The following NRG2 variants were observed in gnomAD, a reference collection of about 807,000 sequenced individuals.
NRG2 encodes pro-neuregulin-2, membrane-bound isoform.
Under a neutral mutation model 73.9 loss-of-function variants are expected in NRG2, and 27 were observed. The observed-to-expected ratio is 0.37, with a 90% confidence interval of 0.27 to 0.50. The LOEUF is 0.50. NRG2 is among the 20% of genes least tolerant of loss of function. The pLI, the probability that NRG2 is intolerant of heterozygous loss-of-function variation, is 0.96. For synonymous variants in NRG2, 532 were observed against 541.0 expected (o/e 0.98, Z 0.23); for missense variants, 1,126 against 1,210.1 (o/e 0.93, Z 1.03).
intron 1 of NRG2, 54 bp downstream of exon 1, chr5:140,042,316 C>A: frequency 8.7e-6 from 9 of 1,033,206 alleles, no homozygotes; most frequent in African/African-American, 1.7e-5. Context: ...CACCCCCATT[C>A]TCCACCACCT....
chr5:140,012,353 T>C (rs1759429893), intron 1 of NRG2, among the ~76,000 whole-genome samples: 1 of 152,208 alleles, frequency 6.6e-6, no homozygotes, highest in Admixed American at 6.5e-5. Context: ...GGCTGGATTG[T>C]AAGCTCTTTG....
chr5:139,974,805 A>G (rs893272381), intron 1 of NRG2, among the ~76,000 whole-genome samples: 2 of 152,188 alleles, frequency 1.3e-5, no homozygotes, highest in African/African-American at 2.4e-5. Flanking sequence ...AACGTGGCAC[A>G]TGCCTATGGG....
intron 1 of NRG2, among the ~76,000 whole-genome samples, chr5:139,957,090 A>G (rs1754679674): frequency 6.6e-6 from 1 of 152,144 alleles, no homozygotes; most frequent in South Asian, 2.1e-4. Flanking sequence ...TTCAGAGTCC[A>G]TCCTCAACTC....
chr5:139,865,245 G>A lies in NRG2; in HGVS notation c.1189+304C>T, dbSNP rs1388637459. The A allele has an allele frequency of 1.8e-5, 23 of 1,288,790 alleles. No individual in the cohort carries two copies. The highest frequency in any genetic ancestry group is 3.5e-5 in the Admixed American group (2 of 57,210). The allele number at this position is 1,288,790 out of a possible 1,614,324, so 79.8% of individuals were successfully genotyped here. On this transcript the variant is annotated intron_variant, in intron 5 of 9. Transcript: ENST00000361474. The surrounding 1 kb of genome is among the most constrained non-coding windows in gnomAD (Gnocchi z 5.2). ...CACAGGCATTGCAACACCCCGGCAC[G>A]GGCTCCTGCCAATGCCAGCTGGGTT...
At chr5:139,918,335 G>T (rs1239805327) in intron 1 of NRG2, among the ~76,000 whole-genome samples, 3 of 152,116 alleles carry the variant, frequency 2.0e-5, no homozygotes, top group Non-Finnish European at 4.4e-5. Flanking sequence ...AAAGGAAATG[G>T]TAACATAAGG....
intron 1 of NRG2, among the ~76,000 whole-genome samples, chr5:139,889,566 T>G (rs1246422371): frequency 6.6e-6 from 1 of 152,206 alleles, no homozygotes; most frequent in Non-Finnish European, 1.5e-5. Context: ...GCATCATTTT[T>G]CATGGTTGCA....
At chr5:139,938,883 GGAAA>G (rs1376260476) in intron 1 of NRG2, among the ~76,000 whole-genome samples, 5 of 48,224 alleles carry the variant, frequency 1.0e-4, no homozygotes, top group East Asian at 7.0e-4. Flanking sequence ...AGAGAGAGAA[GGAAA>G]GAAAGAAAGA....
At chr5:139,932,527 T>C (rs967481271) in intron 1 of NRG2, among the ~76,000 whole-genome samples, 2 of 151,882 alleles carry the variant, frequency 1.3e-5, no homozygotes, top group Non-Finnish European at 2.9e-5. Flanking sequence ...ATAGCAGATA[T>C]GTAGGATGAA....
intron 1 of NRG2, among the ~76,000 whole-genome samples, chr5:139,984,423 A>G (rs915398029): frequency 2.0e-5 from 3 of 152,208 alleles, no homozygotes; most frequent in Admixed American, 6.5e-5. Context: ...AGATCAAGTA[A>G]GGAGAAAAAA....
intron 1 of NRG2, among the ~76,000 whole-genome samples, chr5:139,889,726 T>A (rs947953645): frequency 6.6e-6 from 1 of 152,176 alleles, no homozygotes; most frequent in Non-Finnish European, 1.5e-5. Context: ...TACTGCTGTA[T>A]GGGGGAGGAT....
chr5:139,947,213 G>A (rs958478507), intron 1 of NRG2, among the ~76,000 whole-genome samples: 2 of 152,160 alleles, frequency 1.3e-5, no homozygotes, highest in African/African-American at 2.4e-5. Flanking sequence ...ATCAACCTGA[G>A]AAGTAAACCC....
intron 1 of NRG2, among the ~76,000 whole-genome samples, chr5:140,009,381 A>T (rs571679886): frequency 5.9e-5 from 9 of 152,208 alleles, no homozygotes; most frequent in Non-Finnish European, 1.2e-4. Flanking sequence ...TATGTTACCC[A>T]TAATATTCTA....
chr5:139,887,247 G>A lies in NRG2; in HGVS notation c.872+93C>T, dbSNP rs1231213864. The A allele has an allele frequency of 9.7e-6, 14 of 1,447,606 alleles. No individual in the cohort carries two copies. The highest frequency in any genetic ancestry group is 1.2e-5 in the Non-Finnish European group (13 of 1,046,762). The allele number at this position is 1,447,606 out of a possible 1,614,324, so 89.7% of individuals were successfully genotyped here. A position where few individuals can be genotyped will look rare whatever the true frequency, so the allele number is the denominator to read the frequency against. The stretch of plus-strand genomic sequence containing the variant: ...ACTGGTTCCATGGGTGAGTCTGGGG[G>A]CACAGCCCTGGCCTCTGCCCAGTTC... On this transcript the variant is annotated intron_variant, in intron 2 of 9. Transcript: ENST00000361474. The surrounding 1 kb of genome is among the most constrained non-coding windows in gnomAD (Gnocchi z 4.5).
At chr5:140,010,192 G>A (rs747630501) in intron 1 of NRG2, among the ~76,000 whole-genome samples, 1 of 152,176 alleles carries the variant, frequency 6.6e-6, no homozygotes, top group Non-Finnish European at 1.5e-5. Context: ...CAGCTACTTG[G>A]GAAACTGAGA....
At chr5:140,020,202 A>G (rs1760112280) in intron 1 of NRG2, among the ~76,000 whole-genome samples, 1 of 152,264 alleles carries the variant, frequency 6.6e-6, no homozygotes, top group South Asian at 2.1e-4. Flanking sequence ...GACTGAAACA[A>G]TAAGAATTGG....
intron 1 of NRG2, among the ~76,000 whole-genome samples, chr5:140,013,691 A>G (rs1759547120): frequency 6.6e-6 from 1 of 152,184 alleles, no homozygotes; most frequent in African/African-American, 2.4e-5. Context: ...TACTTACATG[A>G]AGCTTTAACC....
chr5:139,937,358 A>G (rs1297742399), intron 1 of NRG2, among the ~76,000 whole-genome samples: 1 of 152,244 alleles, frequency 6.6e-6, no homozygotes, highest in Non-Finnish European at 1.5e-5. Flanking sequence ...CTACAGCTAT[A>G]TCATACTTAA....
chr5:140,022,095 G>A (rs527592415), intron 1 of NRG2, among the ~76,000 whole-genome samples: 124 of 152,212 alleles, frequency 8.1e-4, no homozygotes, highest in African/African-American at 2.8e-3. Context: ...AGCCTAACTA[G>A]AACCACCTGT....
chr5:139,859,227 G>T (rs1761986117), intron 5 of NRG2, among the ~76,000 whole-genome samples: 1 of 152,134 alleles, frequency 6.6e-6, no homozygotes, highest in African/African-American at 2.4e-5. Context: ...TCTGAGCTGG[G>T]AGACAAGGGG....
Sources: allele counts gnomAD v4.1 joint callset (sites outside exome capture counted in the v4.1 genomes callset), GRCh38; gene constraint gnomAD v4.1.1; non-coding constraint Gnocchi (gnomAD v3.1); transcripts MANE v1.5; gene names NCBI Gene and HGNC (gene_info 2026-07-23, HGNC 2026-07-21).